The following DPY30 variants were observed in gnomAD, a reference collection of about 807,000 sequenced individuals.
The protein encoded by DPY30 is protein dpy-30 homolog.
A neutral mutation model predicts 16.2 loss-of-function variants in DPY30; 6 were observed. The ratio of observed to expected loss-of-function variants is 0.37; its 90% confidence interval spans 0.20 to 0.73. The LOEUF (loss-of-function observed/expected upper bound fraction) is 0.73. Among genes scored for constraint, DPY30 ranks in the 30% least tolerant of loss-of-function variants. DPY30 has a pLI of 0.51. For missense variants in DPY30, 73 were observed against 113.1 expected, an observed-to-expected ratio of 0.65 and a Z score of 1.61; for synonymous variants, 39 against 38.8, an observed-to-expected ratio of 1.00 and a Z score of -0.02.
Position 32,038,408 on chromosome 2 carries a change from G to GA in DPY30, c.84+870dup, listed in dbSNP as rs1491196072. Among the ~76,000 whole-genome samples, 40 of 66,592 alleles carry GA rather than the reference G, an allele frequency of 6.0e-4. 2 individuals carry two copies. The highest frequency in any genetic ancestry group is 4.0e-3 in the Admixed American group (25 of 6,202). 43.7% of individuals were successfully genotyped at this position (66,592 alleles called of 152,430 possible). A position where few individuals can be genotyped will look rare whatever the true frequency, so the allele number is the denominator to read the frequency against. ...GAGCCACCGCGTCCGGCCTTATTTT[G>GA]AGGGGGGGGGGGGCGGGGGGAGGGA... On this transcript the variant is annotated intron_variant, in intron 3 of 4. Coordinates refer to ENST00000342166, the MANE Select transcript of DPY30 (RefSeq NM_001321209.2).
chr2:32,039,227 C>T (rs1467501001), intron 3 of DPY30, 52 bp downstream of exon 3: 7 of 1,612,744 alleles, frequency 4.3e-6, no homozygotes, highest in Middle Eastern at 1.6e-4. Context: ...CCCAAGTTTT[C>T]TCCAGCTTGC....
At chr2:32,022,166 C>T (rs1400720712), downstream of DPY30, among the ~76,000 whole-genome samples, 1 of 150,606 alleles carries the variant, frequency 6.6e-6, no homozygotes, top group Non-Finnish European at 1.5e-5. Flanking sequence ...GCCAAGATCA[C>T]GCCATTGCAC....
At chr2:32,019,207 C>G (rs1161425607), downstream of DPY30, among the ~76,000 whole-genome samples, 2 of 152,126 alleles carry the variant, frequency 1.3e-5, no homozygotes, top group African/African-American at 4.8e-5. Flanking sequence ...ATTCTCCAGC[C>G]TCAGCCTTCT....
intron 5 of DPY30, among the ~76,000 whole-genome samples, chr2:32,017,392 A>G (rs1490140267): frequency 6.6e-6 from 1 of 151,608 alleles, no homozygotes; most frequent in Non-Finnish European, 1.5e-5. Context: ...CAAGGCGGGC[A>G]GATCATCTGA....
chr2:32,035,916 G>T (rs1248641788), intron 3 of DPY30, among the ~76,000 whole-genome samples: 1 of 141,446 alleles, frequency 7.1e-6, no homozygotes, highest in African/African-American at 2.6e-5. Context: ...CCTGGCGACA[G>T]AGCAAGACTC....
At chr2:32,012,899 C>T (rs1674994677) in intron 5 of DPY30, among the ~76,000 whole-genome samples, 1 of 152,082 alleles carries the variant, frequency 6.6e-6, no homozygotes, top group Non-Finnish European at 1.5e-5. Flanking sequence ...GATGATGGTT[C>T]TTATGGTTAT....
chr2:32,023,402 T>C (rs560083357), downstream of DPY30: 1 of 462,526 alleles, frequency 2.2e-6, no homozygotes, highest in African/African-American at 2.1e-5. Flanking sequence ...AGAACAGGAT[T>C]TGAATTCCCA....
At chr2:32,024,341 T>A (rs1360971253) in intron 4 of DPY30, 85 bp from the exon 5 acceptor site, 3 of 976,742 alleles carry the variant, frequency 3.1e-6, no homozygotes, top group Non-Finnish European at 3.0e-6. Context: ...TGAAAACTCA[T>A]CTTTTTAAGT....
intron 5 of DPY30, among the ~76,000 whole-genome samples, chr2:32,012,517 G>A (rs903800645): frequency 2.4e-5 from 3 of 126,618 alleles, no homozygotes; most frequent in Non-Finnish European, 3.1e-5. Context: ...TGCAACCTCC[G>A]CCTCCCGAGT....
At chr2:32,021,590 A>C (rs1365986624), downstream of DPY30, among the ~76,000 whole-genome samples, 1 of 151,316 alleles carries the variant, frequency 6.6e-6, no homozygotes, top group Non-Finnish European at 1.5e-5. Flanking sequence ...GAGACAGGAG[A>C]ATCGCTTGAA....
At chr2:32,033,297 G>A (rs916215829) in intron 3 of DPY30, among the ~76,000 whole-genome samples, 5 of 151,016 alleles carry the variant, frequency 3.3e-5, no homozygotes, top group African/African-American at 1.2e-4. Context: ...GACAGAGAAA[G>A]TCTCTGTCTC....
At chr2:32,030,361 G>C (rs1675487275) in intron 3 of DPY30, among the ~76,000 whole-genome samples, 1 of 151,982 alleles carries the variant, frequency 6.6e-6, no homozygotes, top group African/African-American at 2.4e-5. Flanking sequence ...CCTGGCGCAG[G>C]GGCTCACGCC....
rs1675252860 is a variant in DPY30, at chr2:32,024,218, A to G, written c.266T>C (p.Leu89Ser). 5 of 1,612,842 alleles carry G rather than the reference A, an allele frequency of 3.1e-6. No individual in the cohort carries two copies. In the African/African-American group the frequency reaches 6.7e-5, roughly 21 times the overall value. The stretch of plus-strand genomic sequence containing the variant: ...ATCTTCAAACTGTGCCTTGTTTTTT[A>G]AAAGATAAGATGCTAGAAATTCAAT... The part of the protein sequence containing the change: ...NPIEFLASYL[L>S]KNKAQFEDRN Residue 89 changes from leucine to serine, a missense_variant, in exon 5 of 5, where the codon TTA (leucine) becomes TCA (serine). Physicochemically the swap from Leu to Ser is moderately radical, Grantham distance 145. This residue lies in a region of DPY30 where 20 missense variants were observed against 25.3 expected (regional missense o/e 0.79). Coordinates refer to ENST00000342166, the MANE Select transcript of DPY30 (RefSeq NM_001321209.2).
chr2:32,038,809 G>A (rs999496346), intron 3 of DPY30, among the ~76,000 whole-genome samples: 2 of 151,726 alleles, frequency 1.3e-5, no homozygotes, highest in African/African-American at 2.4e-5. Flanking sequence ...CATCATGCCC[G>A]GCTAATTTTT....
chr2:32,012,818 G>C (rs1286728118), intron 5 of DPY30, among the ~76,000 whole-genome samples: 3 of 152,164 alleles, frequency 2.0e-5, no homozygotes, highest in Non-Finnish European at 2.9e-5. Flanking sequence ...CCAAAACTCA[G>C]TGATCATTGA....
chr2:32,016,793 G>A (rs998071851), intron 5 of DPY30, among the ~76,000 whole-genome samples: 3 of 152,014 alleles, frequency 2.0e-5, no homozygotes, highest in Non-Finnish European at 4.4e-5. Flanking sequence ...TTTACTAAAC[G>A]ACGTCATCAT....
At chr2:32,016,055 T>A (rs1572985687) in intron 5 of DPY30, among the ~76,000 whole-genome samples, 1 of 151,852 alleles carries the variant, frequency 6.6e-6, no homozygotes, top group African/African-American at 2.4e-5. Flanking sequence ...CACACCACCA[T>A]GCCTGGCTAA....
At chr2:32,012,583 A>C (rs1313802237) in intron 5 of DPY30, among the ~76,000 whole-genome samples, 1 of 151,688 alleles carries the variant, frequency 6.6e-6, no homozygotes, top group East Asian at 1.9e-4. Context: ...GGTGCCCACC[A>C]CCATCCACCA....
intron 1 of DPY30, 37 bp from the exon 2 acceptor site, chr2:32,039,529 A>T (rs1675885321): frequency 4.4e-6 from 7 of 1,603,962 alleles, no homozygotes; most frequent in Non-Finnish European, 6.0e-6. Flanking sequence ...TACCTGGGAG[A>T]TTTCAACACG....
Sources: gnomAD v4.1 joint callset for allele counts (sites outside exome capture counted in the v4.1 genomes callset) on GRCh38, gnomAD v4.1.1 for gene constraint, gnomAD v4.1.1 regional missense constraint, MANE v1.5 for transcripts, NCBI Gene and HGNC (gene_info 2026-07-23, HGNC 2026-07-21) for gene names.